PDSS2: variants seen among roughly 807,000 people sequenced by gnomAD.
The protein encoded by PDSS2 is decaprenyl diphosphate synthase subunit 2.
PDSS2 carries 31 observed loss-of-function variants against 44.5 expected under a neutral mutation model. The ratio of observed to expected loss-of-function variants is 0.70; its 90% CI spans 0.52 to 0.94. The LOEUF is 0.94. PDSS2 is among the 40% of genes least tolerant of loss of function. The pLI is 0.00. For missense variants in PDSS2, 452 were observed against 482.2 expected, an observed-to-expected ratio of 0.94 and a Z score of 0.59; for synonymous variants, 157 against 180.3, an observed-to-expected ratio of 0.87 and a Z score of 1.03.
intron 1 of PDSS2, among the ~76,000 whole-genome samples, chr6:107,376,199 G>A (rs1245124111): frequency 6.6e-6 from 1 of 152,110 alleles, no homozygotes; most frequent in Non-Finnish European, 1.5e-5. Context: ...GTAGTGTGAT[G>A]CCTCCAGCTT....
At chr6:107,196,673 C>T (rs1772572911) in intron 6 of PDSS2, among the ~76,000 whole-genome samples, 1 of 152,192 alleles carries the variant, frequency 6.6e-6, no homozygotes, top group South Asian at 2.1e-4. Context: ...CCAAGTGATG[C>T]CTTTTTGTAT....
At chr6:107,368,679 C>T (rs1465060562) in intron 1 of PDSS2, among the ~76,000 whole-genome samples, 1 of 151,986 alleles carries the variant, frequency 6.6e-6, no homozygotes, top group East Asian at 1.9e-4. Flanking sequence ...CATAGCAAGA[C>T]CCCATTCTCT....
chr6:107,369,553 T>A (rs1015253101), intron 1 of PDSS2, among the ~76,000 whole-genome samples: 1 of 152,284 alleles, frequency 6.6e-6, no homozygotes, highest in Admixed American at 6.5e-5. Flanking sequence ...GAAAAAACCA[T>A]AGGAGCATAT....
intron 2 of PDSS2, among the ~76,000 whole-genome samples, chr6:107,318,143 CAG>C (rs1047441947): frequency 6.6e-6 from 1 of 151,834 alleles, no homozygotes; most frequent in African/African-American, 2.4e-5. Flanking sequence ...CTTTTTTAAA[CAG>C]GGGTGGGAGA....
intron 3 of PDSS2, among the ~76,000 whole-genome samples, chr6:107,262,178 A>T (rs1343293273): frequency 1.3e-5 from 2 of 151,522 alleles, no homozygotes; most frequent in Non-Finnish European, 2.9e-5. Flanking sequence ...AAGTGCTGGG[A>T]TTACAGGTGT....
At chr6:107,229,067 T>C (rs1388672067) in intron 4 of PDSS2, among the ~76,000 whole-genome samples, 4 of 152,206 alleles carry the variant, frequency 2.6e-5, no homozygotes, top group Non-Finnish European at 5.9e-5. Flanking sequence ...TACACAGCAC[T>C]CATTGTTTTA....
intron 4 of PDSS2, among the ~76,000 whole-genome samples, chr6:107,237,463 G>A (rs1052179099): frequency 4.0e-5 from 6 of 151,372 alleles, no homozygotes; most frequent in Admixed American, 2.0e-4. Flanking sequence ...GGATGGTTTC[G>A]AACTCCTGAC....
intron 1 of PDSS2, among the ~76,000 whole-genome samples, chr6:107,372,606 C>T (rs1213922144): frequency 6.6e-6 from 1 of 152,092 alleles, no homozygotes; most frequent in East Asian, 1.9e-4. Context: ...CGCCCGCCAC[C>T]ACGCTCGGCT....
intron 7 of PDSS2, among the ~76,000 whole-genome samples, chr6:107,171,751 C>T (rs946919141): frequency 1.2e-4 from 18 of 152,230 alleles, no homozygotes; most frequent in African/African-American, 3.6e-4. Context: ...GTCTTGAATT[C>T]CTGGCCTTAA....
chr6:107,268,726 G>A (rs1775491214), intron 3 of PDSS2, among the ~76,000 whole-genome samples: 1 of 152,082 alleles, frequency 6.6e-6, no homozygotes, highest in African/African-American at 2.4e-5. Context: ...CACAGTTGCA[G>A]TTTATGGTTA....
intron 1 of PDSS2, among the ~76,000 whole-genome samples, chr6:107,366,379 G>T (rs2114338607): frequency 6.6e-6 from 1 of 152,120 alleles, no homozygotes; most frequent in African/African-American, 2.4e-5. Flanking sequence ...TACAACTACA[G>T]GAGTACTTAG....
At chr6:107,169,922 G>A (rs981719993) in intron 7 of PDSS2, among the ~76,000 whole-genome samples, 1 of 152,120 alleles carries the variant, frequency 6.6e-6, no homozygotes, top group Admixed American at 6.6e-5. Flanking sequence ...CTACTTGGGG[G>A]TCAGGGACCC....
chr6:107,313,098 T>A (rs1030135595), intron 2 of PDSS2, among the ~76,000 whole-genome samples: 5 of 152,202 alleles, frequency 3.3e-5, no homozygotes, highest in Non-Finnish European at 7.3e-5. Flanking sequence ...ATCTAGGAGC[T>A]GCCTAATTTT....
chr6:107,174,362 A>G (rs1771712366), intron 7 of PDSS2, among the ~76,000 whole-genome samples: 2 of 152,254 alleles, frequency 1.3e-5, no homozygotes, highest in African/African-American at 4.8e-5. Flanking sequence ...TCAAATGACT[A>G]GAGTTGTCTA....
At chr6:107,230,640 T>A (rs896121579) in intron 4 of PDSS2, among the ~76,000 whole-genome samples, 2 of 151,924 alleles carry the variant, frequency 1.3e-5, no homozygotes, top group African/African-American at 2.4e-5. Context: ...TCCAAGGGTC[T>A]CTCACTCTTC....
intron 1 of PDSS2, among the ~76,000 whole-genome samples, chr6:107,383,854 G>C (rs1779526957): frequency 1.3e-5 from 2 of 152,226 alleles, no homozygotes; most frequent in Admixed American, 1.3e-4. Flanking sequence ...CATACAGCCA[G>C]TTTTGAAAAG....
Position 107,459,142 on chromosome 6 carries a change from G to C in PDSS2, c.144C>G (p.His48Gln). 6.2e-7 allele frequency: 1 copy of C among 1,614,178 alleles called. No homozygotes were observed. Among genetic ancestry groups the C allele is most frequent in the South Asian group, 1.1e-5 (1 of 91,086 alleles). The change falls in exon 1 of 8, where the codon CAC becomes CAG. Residue 48 changes from histidine (H) to glutamine (Q), a missense_variant. Coordinates refer to ENST00000369037, the MANE Select transcript of PDSS2 (RefSeq NM_020381.4). This position sits in a 1 kb window ranked among gnomAD's most constrained non-coding sequence, Gnocchi z 4.3. Reference sequence around the variant, plus strand: ...CCGCCTCTGACACTACCTGATTCCAGTGGGCCGGGGACTTGGAGGACCGAC... The same window carrying C: ...CCGCCTCTGACACTACCTGATTCCACTGGGCCGGGGACTTGGAGGACCGAC... ...WRGRSSKSPAHWNQVVSEAEK... is the reference protein window; with the variant it reads ...WRGRSSKSPAQWNQVVSEAEK...
At chr6:107,438,949 G>A (rs1175569790) in intron 1 of PDSS2, among the ~76,000 whole-genome samples, 3 of 152,096 alleles carry the variant, frequency 2.0e-5, no homozygotes, top group Non-Finnish European at 4.4e-5. Flanking sequence ...ATGACTCCCT[G>A]GTTCAGAAGG....
At chr6:107,253,522 C>CTTA (rs1562409969) in intron 3 of PDSS2, among the ~76,000 whole-genome samples, 3 of 152,152 alleles carry the variant, frequency 2.0e-5, no homozygotes, top group Admixed American at 2.0e-4. Context: ...AAGGTTAATA[C>CTTA]GTAAGTTGCA....
Sources: gnomAD v4.1 joint callset for allele counts (sites outside exome capture counted in the v4.1 genomes callset) on GRCh38, gnomAD v4.1.1 for gene constraint, Gnocchi (gnomAD v3.1) non-coding constraint, MANE v1.5 for transcripts, NCBI Gene and HGNC (gene_info 2026-07-23, HGNC 2026-07-21) for gene names.